The following PRKDC variants were observed in gnomAD, a reference collection of about 807,000 sequenced individuals.
PRKDC encodes DNA-dependent protein kinase catalytic subunit.
In PRKDC, 82 loss-of-function variants were observed where a neutral mutation model predicts 486.9. The observed-to-expected ratio is 0.17, with a 90% CI of 0.14 to 0.20. The LOEUF (loss-of-function observed/expected upper bound fraction) is 0.20, where lower values mean the gene tolerates loss of function less well. Among genes scored for constraint, PRKDC ranks in the 10% least tolerant of loss-of-function variants. PRKDC has a pLI of 1.00. For synonymous variants in PRKDC, 1,895 were observed against 1,837.0 expected (o/e 1.03, Z -0.81); for missense variants, 4,504 against 5,038.2 (o/e 0.89, Z 3.21).
At position 47,778,802 on chromosome 8, in the gene PRKDC, AT is replaced by A; in HGVS notation, c.11580-4del. 1.2e-6 allele frequency: 2 copies of A among 1,611,500 alleles called. No homozygotes were observed. The highest frequency in any genetic ancestry group is 1.7e-5 in the Admixed American group (1 of 59,634). On this transcript the variant is annotated splice_region_variant and splice_polypyrimidine_tract_variant and intron_variant, in intron 81 of 85. Coordinates refer to ENST00000314191, the MANE Select transcript of PRKDC (RefSeq NM_006904.7). ...CTGTTTCAGTACGATTAGCGCCCCTATGATTTAATAATAGAAACATCTAATT... is the reference window on the plus strand; with the variant it reads ...CTGTTTCAGTACGATTAGCGCCCCTAGATTTAATAATAGAAACATCTAATT...
chr8:47,858,904 AG>A lies in PRKDC; in HGVS notation c.6289del (p.Leu2097Ter). On this transcript the variant is annotated frameshift_variant, in exon 47 of 86. Transcript: ENST00000314191. LOFTEE classifies it high-confidence loss of function. The part of the protein sequence containing the change: ...ELNRHECMAP[L>X]TALVKHMHRS... ...GTGCATGTGCTTGACCAGGGCCGTC[AG>A]GGGCGCCATGCACTCATGCCGATTG... 1 of 1,613,866 alleles carries A rather than the reference AG, an allele frequency of 6.2e-7. No homozygotes were observed. The highest frequency in any genetic ancestry group is 8.5e-7 in the Non-Finnish European group (1 of 1,179,878).
At chr8:47,852,269 C>A (rs1050314059) in intron 52 of PRKDC, among the ~76,000 whole-genome samples, 4 of 152,164 alleles carry the variant, frequency 2.6e-5, no homozygotes, top group Non-Finnish European at 5.9e-5. Context: ...TGGGAGATCC[C>A]TGCCCCTGTT....
intron 73 of PRKDC, among the ~76,000 whole-genome samples, 168 bp downstream of exon 73, chr8:47,798,069 G>GTTT (rs747364105): frequency 3.9e-4 from 59 of 152,310 alleles, no homozygotes; most frequent in Middle Eastern, 6.8e-3. Context: ...GCGAAAACTC[G>GTTT]TTTTTGCAGC....
At chr8:47,896,007 C>G (rs1264858270) in intron 30 of PRKDC, among the ~76,000 whole-genome samples, 2 of 151,434 alleles carry the variant, frequency 1.3e-5, no homozygotes, top group Non-Finnish European at 2.9e-5. Context: ...CCATTGCACT[C>G]TAGCCCAGGC....
At chr8:47,935,437 T>A (rs1199276105) in intron 13 of PRKDC, among the ~76,000 whole-genome samples, 1 of 152,010 alleles carries the variant, frequency 6.6e-6, no homozygotes, top group Admixed American at 6.6e-5. Flanking sequence ...GAGGCAGTGG[T>A]TGCAGTGAGC....
chr8:47,833,029 GACC>G (rs2154499529), intron 59 of PRKDC, among the ~76,000 whole-genome samples: 1 of 152,322 alleles, frequency 6.6e-6, no homozygotes, highest in South Asian at 2.1e-4. Flanking sequence ...ACTCCCGCCA[GACC>G]ACCAAGCCAT....
chr8:47,891,536 C>G (rs993579092), intron 31 of PRKDC, among the ~76,000 whole-genome samples: 1 of 151,888 alleles, frequency 6.6e-6, no homozygotes, highest in African/African-American at 2.4e-5. Flanking sequence ...CTGGCTAACA[C>G]AGTGAAACCC....
At chr8:47,816,834 A>T (rs918616332) in intron 68 of PRKDC, among the ~76,000 whole-genome samples, 1 of 152,144 alleles carries the variant, frequency 6.6e-6, no homozygotes, top group South Asian at 2.1e-4. Context: ...AAAAAAAAAA[A>T]AGTAGTAGTG....
At chr8:47,874,323 T>C (rs564334176) in intron 40 of PRKDC, among the ~76,000 whole-genome samples, 1 of 152,210 alleles carries the variant, frequency 6.6e-6, no homozygotes, top group Non-Finnish European at 1.5e-5. Context: ...AATGAGGTGA[T>C]GAATACTTCA....
rs1242761398 is a variant in PRKDC, at chr8:47,865,303, T to G, written c.5364-540A>C. 4.6e-5 allele frequency among the ~76,000 whole-genome samples: 7 copies of G among 151,916 alleles called. No individual in the cohort carries two copies. The East Asian group carries it at 1.3e-3, about 29-fold the overall frequency. Reference sequence around the variant, plus strand: ...CTGGAGGCTGAGGCAGGAGAAACACTTGAACATGGGAGGCAGAGGGTGCAG... The same window carrying G: ...CTGGAGGCTGAGGCAGGAGAAACACGTGAACATGGGAGGCAGAGGGTGCAG... On this transcript the variant is annotated intron_variant, in intron 40 of 85. Transcript: ENST00000314191.
At chr8:47,881,179 G>A (rs759705164) in intron 38 of PRKDC, among the ~76,000 whole-genome samples, 4 of 152,130 alleles carry the variant, frequency 2.6e-5, no homozygotes, top group South Asian at 2.1e-4. Flanking sequence ...TAACACACCC[G>A]GCCTGCTTGG....
chr8:47,839,248 T>G lies in PRKDC; in HGVS notation c.7455-2A>C, dbSNP rs1367890747. 1 of 1,609,014 alleles carries G rather than the reference T, an allele frequency of 6.2e-7. No homozygotes were observed. The highest frequency in any genetic ancestry group is 1.1e-5 in the South Asian group (1 of 90,734). ...TTATCTGTCTCACTTTCTGGATCTC[T>G]GCTTGAGAAAACAGCAAAATGTCAC... On this transcript the variant is annotated splice_acceptor_variant, in intron 55 of 85. Coordinates refer to ENST00000314191, the MANE Select transcript of PRKDC (RefSeq NM_006904.7). LOFTEE classifies it high-confidence loss of function.
chr8:47,799,734 T>C (rs556280595), intron 71 of PRKDC, among the ~76,000 whole-genome samples: 1 of 152,120 alleles, frequency 6.6e-6, no homozygotes, highest in African/African-American at 2.4e-5. Context: ...GCACAGATGC[T>C]AGTAGCATCA....
At chr8:47,950,084 C>A (rs2090602811) in intron 7 of PRKDC, among the ~76,000 whole-genome samples, 1 of 150,796 alleles carries the variant, frequency 6.6e-6, no homozygotes, top group Non-Finnish European at 1.5e-5. Context: ...CCAGCCTGGC[C>A]AACATGGTGA....
chr8:47,899,820 C>T (rs1159118271), intron 28 of PRKDC, among the ~76,000 whole-genome samples: 1 of 152,172 alleles, frequency 6.6e-6, no homozygotes. Context: ...CTATGTAGTT[C>T]CTAATAGCTT....
At chr8:47,937,104 A>G (rs1168248134) in intron 11 of PRKDC, among the ~76,000 whole-genome samples, 2 of 150,298 alleles carry the variant, frequency 1.3e-5, no homozygotes, top group Admixed American at 6.6e-5. Context: ...AAAAAAAAAA[A>G]AAAAAAATTG....
chr8:47,868,288 C>T (rs1291779536), intron 40 of PRKDC, among the ~76,000 whole-genome samples: 1 of 151,680 alleles, frequency 6.6e-6, no homozygotes, highest in Non-Finnish European at 1.5e-5. Flanking sequence ...CCGGGTATGG[C>T]GGCTCACACT....
intron 18 of PRKDC, 95 bp from the exon 19 acceptor site, chr8:47,929,273 C>T: frequency 1.2e-6 from 1 of 834,982 alleles, no homozygotes; most frequent in East Asian, 2.7e-5. Context: ...AGGGGTGAAT[C>T]CATTTCAAGT....
intron 35 of PRKDC, among the ~76,000 whole-genome samples, chr8:47,886,463 C>T (rs553420155): frequency 1.3e-5 from 2 of 152,044 alleles, no homozygotes; most frequent in East Asian, 1.9e-4. Context: ...GATCTCGGCT[C>T]ACTGCAAACC....
Sources: gnomAD v4.1 joint callset for allele counts (sites outside exome capture counted in the v4.1 genomes callset) on GRCh38, gnomAD v4.1.1 for gene constraint, MANE v1.5 for transcripts, NCBI Gene and HGNC (gene_info 2026-07-23, HGNC 2026-07-21) for gene names.